Variants in SGCZ observed in about 807,000 individuals in gnomAD.
The protein encoded by SGCZ is zeta-sarcoglycan.
SGCZ carries 40 observed loss-of-function variants against 41.3 expected under a neutral mutation model. The observed-to-expected ratio is 0.97, with a 90% CI of 0.75 to 1.26. The LOEUF is 1.26. Among genes scored for constraint, SGCZ ranks in the 50% most tolerant of loss-of-function variants. The pLI, the probability that SGCZ is intolerant of heterozygous loss-of-function variation, is 0.00. For missense variants in SGCZ, 552 were observed against 369.8 expected, an observed-to-expected ratio of 1.49 and a Z score of -4.04; for synonymous variants, 206 against 137.5, an observed-to-expected ratio of 1.50 and a Z score of -3.49.
At chr8:14,824,996 G>A (rs1802249656) in intron 1 of SGCZ, among the ~76,000 whole-genome samples, 1 of 152,030 alleles carries the variant, frequency 6.6e-6, no homozygotes, top group African/African-American at 2.4e-5. Flanking sequence ...CCCTAAATTA[G>A]CAGAGTCCCA....
At chr8:14,918,198 G>A (rs1252922785) in intron 1 of SGCZ, among the ~76,000 whole-genome samples, 2 of 152,070 alleles carry the variant, frequency 1.3e-5, no homozygotes, top group African/African-American at 4.8e-5. Context: ...CTATAACGGA[G>A]AATTAAGGCA....
At chr8:15,095,903 G>C (rs1806329223) in intron 1 of SGCZ, among the ~76,000 whole-genome samples, 2 of 152,028 alleles carry the variant, frequency 1.3e-5, no homozygotes, top group South Asian at 4.1e-4. Context: ...TTTTCAACAA[G>C]GATCAAGCCT....
chr8:14,102,371 C>G lies in SGCZ; in HGVS notation c.744+5G>C, dbSNP rs1385069376. 1.4e-6 allele frequency: 2 copies of G among 1,473,000 alleles called. No individual in the cohort carries two copies. Among genetic ancestry groups the G allele is most frequent in the South Asian group, 1.4e-5 (1 of 69,436 alleles). The allele number at this position is 1,473,000 out of a possible 1,614,324, so 91.2% of individuals were successfully genotyped here. A position where few individuals can be genotyped will look rare whatever the true frequency, so the allele number is the denominator to read the frequency against. On this transcript the variant is annotated splice_donor_5th_base_variant and intron_variant, in intron 7 of 7. Transcript: ENST00000382080. ...AGGGCGAGGGTCCAACTTTCTGGGA[C>G]TCACCTCCCCTTCTGTAGATTGCAG...
intron 1 of SGCZ, among the ~76,000 whole-genome samples, chr8:15,198,752 C>G (rs1800808929): frequency 6.6e-6 from 1 of 152,164 alleles, no homozygotes; most frequent in Non-Finnish European, 1.5e-5. Flanking sequence ...GCTAAATACA[C>G]AATATTGAGC....
intron 3 of SGCZ, among the ~76,000 whole-genome samples, chr8:14,302,484 C>T (rs1027519021): frequency 2.0e-5 from 3 of 152,028 alleles, no homozygotes; most frequent in African/African-American, 7.2e-5. Flanking sequence ...GATGGTCATT[C>T]CTTAAAGCCA....
At chr8:14,516,110 T>TC (rs1366799946) in intron 2 of SGCZ, among the ~76,000 whole-genome samples, 1 of 98,066 alleles carries the variant, frequency 1.0e-5, no homozygotes, top group Non-Finnish European at 2.2e-5. Flanking sequence ...ATGAAACTTC[T>TC]CTTTTTTTTT....
intron 2 of SGCZ, among the ~76,000 whole-genome samples, chr8:14,482,630 G>A (rs1801565419): frequency 6.6e-6 from 1 of 152,082 alleles, no homozygotes; most frequent in Non-Finnish European, 1.5e-5. Flanking sequence ...ATTTCTGGGT[G>A]TTTCTGTGAG....
chr8:14,693,625 C>CTG (rs1162975789), intron 1 of SGCZ, among the ~76,000 whole-genome samples: 38 of 118,836 alleles, frequency 3.2e-4, no homozygotes, highest in African/African-American at 1.2e-3. Context: ...GAGTCTCGCT[C>CTG]TGTCGCCCAG....
intron 1 of SGCZ, among the ~76,000 whole-genome samples, chr8:14,859,281 T>C (rs1035811814): frequency 6.6e-6 from 1 of 152,126 alleles, no homozygotes; most frequent in Admixed American, 6.6e-5. Flanking sequence ...TAAGAGTGTA[T>C]AGCAGTAAAG....
chr8:14,227,347 T>G (rs1806408470), intron 4 of SGCZ, among the ~76,000 whole-genome samples: 1 of 151,922 alleles, frequency 6.6e-6, no homozygotes, highest in Non-Finnish European at 1.5e-5. Context: ...TTGGGAAGGG[T>G]AAAGGAAGGA....
chr8:14,491,084 G>T (rs1449576470), intron 2 of SGCZ, among the ~76,000 whole-genome samples: 1 of 151,882 alleles, frequency 6.6e-6, no homozygotes. Flanking sequence ...CTTCTTTCCA[G>T]CCCAGTATTA....
At chr8:15,008,145 C>T (rs1001334617) in intron 1 of SGCZ, among the ~76,000 whole-genome samples, 1 of 152,116 alleles carries the variant, frequency 6.6e-6, no homozygotes, top group African/African-American at 2.4e-5. Context: ...ATCCCATTTT[C>T]TCTCTCTTTA....
chr8:15,010,076 T>C (rs1206710354), intron 1 of SGCZ, among the ~76,000 whole-genome samples: 1 of 152,176 alleles, frequency 6.6e-6, no homozygotes, highest in Non-Finnish European at 1.5e-5. Context: ...TGTGATGTTA[T>C]TTGAGAAATA....
chr8:15,162,081 T>G (rs2117043192), intron 1 of SGCZ, among the ~76,000 whole-genome samples: 1 of 152,348 alleles, frequency 6.6e-6, no homozygotes, highest in African/African-American at 2.4e-5. Flanking sequence ...AATCAGTTTC[T>G]TAAAGAATTT....
intron 1 of SGCZ, among the ~76,000 whole-genome samples, chr8:14,892,049 G>C (rs1189131738): frequency 6.6e-6 from 1 of 152,178 alleles, no homozygotes; most frequent in Admixed American, 6.5e-5. Context: ...AATGCAGTGG[G>C]CTGGCACTGA....
intron 1 of SGCZ, among the ~76,000 whole-genome samples, chr8:14,973,148 G>C (rs1801355134): frequency 6.6e-6 from 1 of 152,118 alleles, no homozygotes; most frequent in Non-Finnish European, 1.5e-5. Context: ...TTTATTCTCT[G>C]ACCCTTCAGG....
chr8:14,239,897 G>A (rs1220185125), intron 3 of SGCZ, among the ~76,000 whole-genome samples: 1 of 34,218 alleles, frequency 2.9e-5, no homozygotes, highest in Non-Finnish European at 4.2e-5. Context: ...GCGAGACTCC[G>A]TCTCAAAAAA....
intron 2 of SGCZ, among the ~76,000 whole-genome samples, chr8:14,329,983 C>A (rs116360923): frequency 0.011 from 1,682 of 152,184 alleles, 27 homozygotes; most frequent in African/African-American, 0.037. Flanking sequence ...ATTCTAGCTG[C>A]TTGAGATAAT....
At chr8:14,679,775 C>A (rs1052276695) in intron 1 of SGCZ, among the ~76,000 whole-genome samples, 2 of 151,972 alleles carry the variant, frequency 1.3e-5, no homozygotes, top group Non-Finnish European at 2.9e-5. Context: ...TATTCACTAG[C>A]CACCTACTCA....
Sources: allele counts gnomAD v4.1 joint callset (sites outside exome capture counted in the v4.1 genomes callset), GRCh38; gene constraint gnomAD v4.1.1; transcripts MANE v1.5; gene names NCBI Gene and HGNC (gene_info 2026-07-23, HGNC 2026-07-21).